CSMD1: variants seen among roughly 807,000 people sequenced by gnomAD.
CSMD1 encodes CUB and Sushi multiple domains 1.
In CSMD1, 213 loss-of-function variants were observed where a neutral mutation model predicts 417.5. The observed-to-expected ratio is 0.51, with a 90% CI of 0.46 to 0.57. The LOEUF (loss-of-function observed/expected upper bound fraction) is 0.57, where lower values mean the gene tolerates loss of function less well. CSMD1 is among the 20% of genes least tolerant of loss of function. The probability of loss-of-function intolerance (pLI) is 0.00; values close to 1 mark genes in which losing one functional copy is unlikely to be tolerated. For missense variants in CSMD1, 6,923 were observed against 4,529.7 expected (o/e 1.53, Z -15.17); for synonymous variants, 2,862 against 1,736.8 (o/e 1.65, Z -16.11).
chr8:3,487,638 T>A (rs1164455463), intron 11 of CSMD1, among the ~76,000 whole-genome samples: 1 of 152,224 alleles, frequency 6.6e-6, no homozygotes, highest in Non-Finnish European at 1.5e-5. Flanking sequence ...AACGTTTATC[T>A]ACTTAGAATA....
At chr8:4,373,698 A>T (rs1306770578) in intron 3 of CSMD1, among the ~76,000 whole-genome samples, 4 of 152,222 alleles carry the variant, frequency 2.6e-5, no homozygotes, top group Admixed American at 6.5e-5. Context: ...AATTAGAAGG[A>T]AACATTTCTA....
chr8:4,340,312 C>T (rs1054086792), intron 3 of CSMD1, among the ~76,000 whole-genome samples: 6 of 152,128 alleles, frequency 3.9e-5, no homozygotes, highest in South Asian at 4.2e-4. Context: ...GCATCTCCAT[C>T]CAAACCCTTA....
At chr8:3,302,703 A>T (rs1324046489) in intron 25 of CSMD1, among the ~76,000 whole-genome samples, 1 of 152,210 alleles carries the variant, frequency 6.6e-6, no homozygotes, top group Non-Finnish European at 1.5e-5. Flanking sequence ...ATCTGTCACC[A>T]GTGATGATGA....
chr8:4,305,580 G>C (rs954303734), intron 3 of CSMD1, among the ~76,000 whole-genome samples: 3 of 152,234 alleles, frequency 2.0e-5, no homozygotes, highest in East Asian at 3.9e-4. Context: ...GAATGAAAAA[G>C]AGTAAAAAAT....
At chr8:4,399,093 G>A (rs1162851714) in intron 3 of CSMD1, among the ~76,000 whole-genome samples, 3 of 152,188 alleles carry the variant, frequency 2.0e-5, no homozygotes, top group South Asian at 2.1e-4. Context: ...TTTTAGCCAT[G>A]TAAATGCTTA....
chr8:3,478,172 C>T (rs766335712), intron 11 of CSMD1, among the ~76,000 whole-genome samples: 3 of 152,146 alleles, frequency 2.0e-5, no homozygotes, highest in African/African-American at 7.2e-5. Context: ...CCAGGTGGCA[C>T]AGAAGATGAT....
chr8:3,364,452 A>T (rs750858791), intron 20 of CSMD1, among the ~76,000 whole-genome samples: 8 of 152,216 alleles, frequency 5.3e-5, no homozygotes, highest in Admixed American at 5.2e-4. Flanking sequence ...TTAAAGACCC[A>T]TGAAAGAGTA....
intron 9 of CSMD1, among the ~76,000 whole-genome samples, chr8:3,584,828 G>C (rs535226036): frequency 1.3e-5 from 2 of 151,998 alleles, no homozygotes; most frequent in Non-Finnish European, 2.9e-5. Flanking sequence ...CATGTGACTC[G>C]TTCCTCCTGT....
chr8:2,963,929 C>T (rs940812788), intron 59 of CSMD1, among the ~76,000 whole-genome samples: 22 of 152,204 alleles, frequency 1.4e-4, no homozygotes, highest in Non-Finnish European at 2.8e-4. Flanking sequence ...GCAAGTGTTT[C>T]ATCACAGCCT....
At chr8:4,278,671 C>T (rs537358215) in intron 3 of CSMD1, among the ~76,000 whole-genome samples, 5 of 152,098 alleles carry the variant, frequency 3.3e-5, no homozygotes, top group South Asian at 2.1e-4. Flanking sequence ...ATTAACATAC[C>T]GAACAGTCTA....
At chr8:3,523,612 CACACACAT>C in intron 10 of CSMD1, among the ~76,000 whole-genome samples, 1 of 152,192 alleles carries the variant, frequency 6.6e-6, no homozygotes, top group East Asian at 1.9e-4. Context: ...TGCATGTACA[CACACACAT>C]GCATGCACAC....
chr8:3,376,862 G>A (rs1344708653), intron 18 of CSMD1, among the ~76,000 whole-genome samples: 1 of 151,812 alleles, frequency 6.6e-6, no homozygotes, highest in East Asian at 1.9e-4. Flanking sequence ...AACTTTTGTT[G>A]CACGAAAAAC....
intron 26 of CSMD1, among the ~76,000 whole-genome samples, chr8:3,282,461 T>G (rs1041130595): frequency 1.5e-4 from 23 of 152,250 alleles, no homozygotes; most frequent in Non-Finnish European, 2.5e-4. Context: ...TCAACTTTTT[T>G]GTTTTGCTAA....
At position 4,900,885 on chromosome 8, in the gene CSMD1, G is replaced by A. The variant is rs192618118; in HGVS notation, c.85+93447C>T. 6.8e-4 allele frequency among the ~76,000 whole-genome samples: 103 copies of A among 152,268 alleles called. 1 individual carries two copies. Among genetic ancestry groups the A allele is most frequent in the Admixed American group, 2.2e-3 (33 of 15,286 alleles). On this transcript the variant is annotated intron_variant, in intron 1 of 69. Coordinates refer to ENST00000635120, the MANE Select transcript of CSMD1 (RefSeq NM_033225.6). ...CTTCCTTCAGTCGAGCACAGTCACC[G>A]TAAGGGCAGGTGCACCACTAGTTAC...
At chr8:2,963,132 TC>T in intron 60 of CSMD1, 89 bp downstream of exon 60, 1 of 1,389,782 alleles carries the variant, frequency 7.2e-7, no homozygotes, top group Non-Finnish European at 1.0e-6. Flanking sequence ...ACCAGGAAGG[TC>T]CTCAGATTGT....
intron 1 of CSMD1, among the ~76,000 whole-genome samples, chr8:4,712,177 T>G (rs941569614): frequency 1.9e-4 from 29 of 152,220 alleles, no homozygotes; most frequent in Non-Finnish European, 2.9e-5. Context: ...TTTCATTTCT[T>G]CAGGCTCAAA....
intron 5 of CSMD1, among the ~76,000 whole-genome samples, chr8:3,904,882 C>G (rs959555952): frequency 6.6e-6 from 1 of 152,110 alleles, no homozygotes; most frequent in Non-Finnish European, 1.5e-5. Flanking sequence ...AGTGATCCAC[C>G]TGCTTCCGCC....
At chr8:4,580,964 C>T (rs1310458006) in intron 2 of CSMD1, among the ~76,000 whole-genome samples, 3 of 152,278 alleles carry the variant, frequency 2.0e-5, no homozygotes, top group Admixed American at 6.5e-5. Flanking sequence ...AGATAGACAA[C>T]GATTGTCCAC....
At chr8:4,350,769 T>G (rs956795104) in intron 3 of CSMD1, among the ~76,000 whole-genome samples, 3 of 152,184 alleles carry the variant, frequency 2.0e-5, no homozygotes, top group African/African-American at 7.2e-5. Context: ...TGATTGAATT[T>G]AAGTAGGTTA....
Sources: allele counts gnomAD v4.1 joint callset (sites outside exome capture counted in the v4.1 genomes callset), GRCh38; gene constraint gnomAD v4.1.1; transcripts MANE v1.5; gene names NCBI Gene and HGNC (gene_info 2026-07-23, HGNC 2026-07-21).